Variants in CNIH3 observed in about 807,000 individuals in gnomAD.
CNIH3 encodes the protein protein cornichon homolog 3.
In CNIH3, 14 loss-of-function variants were observed where a neutral mutation model predicts 24.1. The ratio of observed to expected loss-of-function variants is 0.58; its 90% CI spans 0.38 to 0.91. The LOEUF (loss-of-function observed/expected upper bound fraction) is 0.91, where lower values mean the gene tolerates loss of function less well. CNIH3 is among the 40% of genes least tolerant of loss of function. The probability of loss-of-function intolerance (pLI) is 0.00; values close to 1 mark genes in which losing one functional copy is unlikely to be tolerated. For missense variants in CNIH3, 178 were observed against 196.8 expected, an observed-to-expected ratio of 0.90 and a Z score of 0.57; for synonymous variants, 68 against 73.8, an observed-to-expected ratio of 0.92 and a Z score of 0.40.
intron 2 of CNIH3, among the ~76,000 whole-genome samples, chr1:224,546,566 A>AG (rs1267682616): frequency 6.6e-6 from 1 of 152,172 alleles, no homozygotes; most frequent in African/African-American, 2.4e-5. Flanking sequence ...CTTGGTGAGA[A>AG]GTGGAGAACA....
intron 1 of CNIH3, among the ~76,000 whole-genome samples, chr1:224,443,270 AC>A (rs1674996014): frequency 6.6e-6 from 1 of 152,188 alleles, no homozygotes; most frequent in Non-Finnish European, 1.5e-5. Flanking sequence ...TTCCTGGGAG[AC>A]ACATTAAGTC....
chr1:224,520,606 T>C (rs1029322532), intron 1 of CNIH3, among the ~76,000 whole-genome samples: 2 of 152,264 alleles, frequency 1.3e-5, no homozygotes, highest in Non-Finnish European at 2.9e-5. Context: ...TTCAGGCTAA[T>C]ACAAAGTGAA....
chr1:224,531,277 T>TCATGAAGCCTGGAACTC lies in CNIH3; in HGVS notation n.344-5654_344-5638dup, dbSNP rs373417814. On this transcript the variant is annotated intron_variant and non_coding_transcript_variant, in intron 2 of 2. Transcript: ENST00000470602. ...AAGATGACAGGCATGAACCCTGCCC[T>TCATGAAGCCTGGAACTC]CATGAAGCCTGGAACTCCATGGAGC... Among the ~76,000 whole-genome samples, 726 of 152,266 alleles carry TCATGAAGCCTGGAACTC rather than the reference T, an allele frequency of 4.8e-3. 7 individuals carry two copies. The highest frequency in any genetic ancestry group is 0.027 in the Middle Eastern group (8 of 294).
At chr1:224,619,367 A>G (rs1683175920) in intron 1 of CNIH3, among the ~76,000 whole-genome samples, 1 of 152,236 alleles carries the variant, frequency 6.6e-6, no homozygotes, top group East Asian at 1.9e-4. Context: ...AATGCAGTCA[A>G]ATTCCAACTC....
At chr1:224,637,507 T>C (rs1684151934) in intron 1 of CNIH3, among the ~76,000 whole-genome samples, 1 of 152,080 alleles carries the variant, frequency 6.6e-6, no homozygotes, top group South Asian at 2.1e-4. Flanking sequence ...TGCCTCAACA[T>C]AGCAAGATGA....
intron 4 of CNIH3, among the ~76,000 whole-genome samples, chr1:224,571,689 C>T (rs972681854): frequency 1.3e-5 from 2 of 152,184 alleles, no homozygotes; most frequent in African/African-American, 4.8e-5. Flanking sequence ...CGCACCACTG[C>T]ATTCCAGCCT....
chr1:224,470,317 CTTT>C (rs1328534764), intron 1 of CNIH3, among the ~76,000 whole-genome samples: 1 of 134,314 alleles, frequency 7.4e-6, no homozygotes, highest in African/African-American at 2.7e-5. Context: ...TGTGCCTGGC[CTTT>C]TTTTTTTTTT....
intron 1 of CNIH3, among the ~76,000 whole-genome samples, chr1:224,438,222 CTTTTTT>C (rs774066856): frequency 7.0e-6 from 1 of 143,178 alleles, no homozygotes; most frequent in Non-Finnish European, 1.5e-5. Flanking sequence ...CCATGCTGGC[CTTTTTT>C]TTTTTTTTAA....
chr1:224,688,797 C>T (rs1572726419), intron 3 of CNIH3, among the ~76,000 whole-genome samples: 3 of 151,802 alleles, frequency 2.0e-5, no homozygotes, highest in African/African-American at 7.2e-5. Context: ...TGGTGGTGGG[C>T]GCCTGTAATC....
At chr1:224,453,510 T>C (rs1675517374) in intron 1 of CNIH3, among the ~76,000 whole-genome samples, 1 of 152,158 alleles carries the variant, frequency 6.6e-6, no homozygotes. Flanking sequence ...GAAACAAATC[T>C]ATTTGGCACC....
chr1:224,496,452 T>C (rs1280820910), intron 1 of CNIH3, among the ~76,000 whole-genome samples: 1 of 131,614 alleles, frequency 7.6e-6, no homozygotes, highest in African/African-American at 2.9e-5. Flanking sequence ...GTTAGCCTGA[T>C]ACTAGGAGAG....
At chr1:224,621,367 C>G (rs1683269701) in intron 1 of CNIH3, among the ~76,000 whole-genome samples, 1 of 152,166 alleles carries the variant, frequency 6.6e-6, no homozygotes, top group Non-Finnish European at 1.5e-5. Context: ...TCTCACAGTA[C>G]CCACCTGGAA....
intron 3 of CNIH3, among the ~76,000 whole-genome samples, chr1:224,595,382 T>A (rs567596925): frequency 2.6e-5 from 4 of 152,254 alleles, no homozygotes; most frequent in Admixed American, 1.3e-4. Context: ...GTCATAATCG[T>A]TTTGGGGCAC....
intron 1 of CNIH3, among the ~76,000 whole-genome samples, chr1:224,666,861 A>G (rs754429812): frequency 2.0e-5 from 3 of 152,200 alleles, no homozygotes; most frequent in Non-Finnish European, 2.9e-5. Flanking sequence ...GGCTACCCCA[A>G]ATGTTTGCAT....
chr1:224,547,522 T>C (rs562388416), intron 3 of CNIH3, among the ~76,000 whole-genome samples: 70 of 152,166 alleles, frequency 4.6e-4, no homozygotes, highest in Non-Finnish European at 7.2e-4. Context: ...ATAGTATTAG[T>C]AATAATTAAG....
chr1:224,647,582 G>C (rs747927401), intron 1 of CNIH3, among the ~76,000 whole-genome samples: 1 of 152,238 alleles, frequency 6.6e-6, no homozygotes, highest in Non-Finnish European at 1.5e-5. Flanking sequence ...AGATGTTCAT[G>C]ATGAGAACCA....
chr1:224,535,135 G>T (rs1270621957), intron 2 of CNIH3, among the ~76,000 whole-genome samples: 2 of 152,208 alleles, frequency 1.3e-5, no homozygotes, highest in African/African-American at 4.8e-5. Context: ...TGAAGTTAAG[G>T]TGAGGTCATT....
At chr1:224,678,769 C>T (rs1337979381) in intron 1 of CNIH3, among the ~76,000 whole-genome samples, 1 of 151,718 alleles carries the variant, frequency 6.6e-6, no homozygotes, top group Non-Finnish European at 1.5e-5. Flanking sequence ...TTAAATATAT[C>T]TATGAACTGA....
intron 3 of CNIH3, among the ~76,000 whole-genome samples, chr1:224,725,825 C>T (rs1028985409): frequency 9.2e-5 from 14 of 152,206 alleles, no homozygotes; most frequent in Non-Finnish European, 1.9e-4. Flanking sequence ...CAAGCATCCC[C>T]TTCCTACTTC....
Sources: gnomAD v4.1 joint callset for allele counts (sites outside exome capture counted in the v4.1 genomes callset) on GRCh38, gnomAD v4.1.1 for gene constraint, MANE v1.5 for transcripts, NCBI Gene and HGNC (gene_info 2026-07-23, HGNC 2026-07-21) for gene names.